Variants in AMZ2 observed in about 807,000 individuals in gnomAD.
AMZ2 encodes archaelysin family metallopeptidase 2.
Under a neutral mutation model 36.7 loss-of-function variants are expected in AMZ2, and 26 were observed. The observed-to-expected ratio is 0.71, with a 90% CI of 0.52 to 0.98. The LOEUF is 0.98. Ranked by LOEUF, AMZ2 falls within the 50% of genes least tolerant of loss-of-function variation. AMZ2 has a pLI of 0.00. For synonymous variants in AMZ2, 144 were observed against 149.1 expected (o/e 0.97, Z 0.25); for missense variants, 394 against 430.5 (o/e 0.92, Z 0.75).
intron 1 of AMZ2, among the ~76,000 whole-genome samples, chr17:68,220,903 C>T (rs1192809638): frequency 6.6e-6 from 1 of 151,432 alleles, no homozygotes; most frequent in South Asian, 2.1e-4. Flanking sequence ...CTGCCTCAGC[C>T]TCTGGGGTAG....
chr17:68,248,363 C>G lies in AMZ2; in HGVS notation c.-343C>G. On this transcript the variant is annotated 5_prime_UTR_variant, in exon 1 of 7. Transcript: ENST00000359904. ...CCCCCACTCCACTCCCAGCTGGAGACTGGGTTGTGTCTGCATGGACCAGAG... is the reference window on the plus strand; with the variant it reads ...CCCCCACTCCACTCCCAGCTGGAGAGTGGGTTGTGTCTGCATGGACCAGAG... 1.0e-6 allele frequency: 1 copy of G among 986,064 alleles called. No individual in the cohort carries two copies. The highest frequency in any genetic ancestry group is 4.7e-5 in the South Asian group (1 of 21,316). 61.1% of individuals were successfully genotyped at this position (986,064 alleles called of 1,614,324 possible).
At chr17:68,249,693 C>G (rs1555737984) in intron 1 of AMZ2, 1 of 153,548 alleles carries the variant, frequency 6.5e-6, no homozygotes. Flanking sequence ...CTTGCCCAGG[C>G]TGGAGTGCAG....
At chr17:68,217,533 G>C (rs1455841452) in intron 1 of AMZ2, among the ~76,000 whole-genome samples, 1 of 152,112 alleles carries the variant, frequency 6.6e-6, no homozygotes, top group Non-Finnish European at 1.5e-5. Context: ...TAAGTGTTCT[G>C]TGTCAACAAT....
chr17:68,211,173 C>T (rs2073034203), intron 1 of AMZ2, among the ~76,000 whole-genome samples: 1 of 151,880 alleles, frequency 6.6e-6, no homozygotes, highest in South Asian at 2.1e-4. Context: ...TGAGTAGGGC[C>T]AGTGATTCTG....
chr17:68,208,759 G>A (rs1243479831), intron 1 of AMZ2, among the ~76,000 whole-genome samples: 2 of 152,094 alleles, frequency 1.3e-5, no homozygotes, highest in African/African-American at 2.4e-5. Flanking sequence ...TAAAGCCAGC[G>A]AGACCACGAA....
At chr17:68,208,593 C>G (rs1338032638) in intron 1 of AMZ2, among the ~76,000 whole-genome samples, 7 of 152,160 alleles carry the variant, frequency 4.6e-5, no homozygotes, top group African/African-American at 1.7e-4. Flanking sequence ...AGCAGGCTGC[C>G]CCAGCCAGCA....
intron 1 of AMZ2, among the ~76,000 whole-genome samples, chr17:68,225,879 C>T (rs184083215): frequency 3.3e-5 from 5 of 152,290 alleles, no homozygotes; most frequent in Admixed American, 3.3e-4. Context: ...CCACCTTGGC[C>T]TCCCAAAGTG....
At chr17:68,250,560 G>T in intron 2 of AMZ2, 90 bp downstream of exon 2, 1 of 1,475,304 alleles carries the variant, frequency 6.8e-7, no homozygotes, top group Non-Finnish European at 9.1e-7. Flanking sequence ...ATTCAGATGG[G>T]CCGTTTTAGG....
intron 1 of AMZ2, among the ~76,000 whole-genome samples, chr17:68,213,979 G>A (rs1304269944): frequency 6.7e-6 from 1 of 148,614 alleles, no homozygotes; most frequent in Non-Finnish European, 1.5e-5. Flanking sequence ...GTAAAATCCT[G>A]TTTCTGTGTC....
chr17:68,247,691 G>T (rs1374094906), upstream of AMZ2: 22 of 985,390 alleles, frequency 2.2e-5, no homozygotes, highest in Non-Finnish European at 2.5e-5. Context: ...TCACGCCGGC[G>T]ATGCCTCTCA....
chr17:68,243,030 T>G (rs1599376338), upstream of AMZ2, among the ~76,000 whole-genome samples: 2 of 131,706 alleles, frequency 1.5e-5, no homozygotes, highest in Admixed American at 8.1e-5. Context: ...GGTGAAAGAG[T>G]GAGGCTCTGT....
At chr17:68,223,070 G>A (rs566724090) in intron 1 of AMZ2, among the ~76,000 whole-genome samples, 1 of 152,044 alleles carries the variant, frequency 6.6e-6, no homozygotes, top group Non-Finnish European at 1.5e-5. Context: ...AGGAAATTGA[G>A]GAAGAGAGAG....
intron 1 of AMZ2, among the ~76,000 whole-genome samples, chr17:68,208,594 C>T (rs1555724993): frequency 1.3e-5 from 2 of 152,162 alleles, no homozygotes; most frequent in Non-Finnish European, 2.9e-5. Context: ...GCAGGCTGCC[C>T]CAGCCAGCAG....
intron 4 of AMZ2, among the ~76,000 whole-genome samples, chr17:68,252,217 A>G (rs540469972): frequency 1.3e-5 from 2 of 152,306 alleles, no homozygotes; most frequent in East Asian, 3.9e-4. Flanking sequence ...TGGATGTTAC[A>G]TTAGCCTTAG....
At position 68,248,280 on chromosome 17, in the gene AMZ2, G is replaced by T; in HGVS notation, c.-426G>T. 1 of 985,862 alleles carries T rather than the reference G, an allele frequency of 1.0e-6. No individual in the cohort carries two copies. The allele number at this position is 985,862 out of a possible 1,614,324, so 61.1% of individuals were successfully genotyped here. On this transcript the variant is annotated 5_prime_UTR_variant, in exon 1 of 7. The change creates a new upstream start codon in the 5' untranslated region. Transcript: ENST00000359904. The stretch of plus-strand genomic sequence containing the variant: ...CGGGGTCGGTGCCTCTAGGGAGCCA[G>T]GGAGGCCTTTCCCGAGGCTCCTGGG...
At chr17:68,211,514 AAAG>A (rs2073044705) in intron 1 of AMZ2, among the ~76,000 whole-genome samples, 1 of 151,576 alleles carries the variant, frequency 6.6e-6, no homozygotes, top group African/African-American at 2.4e-5. Context: ...AAAAAAAAAA[AAAG>A]AAAAAATGTT....
At chr17:68,213,649 G>T (rs1399455187) in intron 1 of AMZ2, among the ~76,000 whole-genome samples, 2 of 152,176 alleles carry the variant, frequency 1.3e-5, no homozygotes, top group African/African-American at 4.8e-5. Flanking sequence ...AGGTATTTTT[G>T]GTGGGCGTTT....
chr17:68,217,032 C>CAA (rs11284875), intron 1 of AMZ2, among the ~76,000 whole-genome samples: 9 of 95,592 alleles, frequency 9.4e-5, no homozygotes, highest in East Asian at 2.7e-4. Context: ...GACTCCGTCT[C>CAA]AAAAAAAAAA....
At chr17:68,241,352 A>C (rs573903596) in intron 1 of AMZ2, among the ~76,000 whole-genome samples, 30 of 152,342 alleles carry the variant, frequency 2.0e-4, no homozygotes, top group African/African-American at 7.2e-4. Flanking sequence ...TCTGTAGTGC[A>C]CAATGTTTGC....
Sources: allele counts gnomAD v4.1 joint callset (sites outside exome capture counted in the v4.1 genomes callset), GRCh38; gene constraint gnomAD v4.1.1; transcripts MANE v1.5; gene names NCBI Gene and HGNC (gene_info 2026-07-23, HGNC 2026-07-21).